The following SLC14A2 variants were observed in gnomAD, a reference collection of about 807,000 sequenced individuals.
The protein encoded by SLC14A2 is solute carrier family 14 member 2.
Under a neutral mutation model 104.6 loss-of-function variants are expected in SLC14A2, and 91 were observed. That is an observed-to-expected ratio of 0.87 (90% CI 0.73 to 1.04). The LOEUF (loss-of-function observed/expected upper bound fraction) is 1.04. Among genes scored for constraint, SLC14A2 ranks in the 50% least tolerant of loss-of-function variants. The pLI is 0.00. For missense variants in SLC14A2, 1,189 were observed against 1,156.0 expected (o/e 1.03, Z -0.41); for synonymous variants, 476 against 466.4 (o/e 1.02, Z -0.27).
At chr18:45,249,985 A>T (rs1388137945) in intron 1 of SLC14A2, among the ~76,000 whole-genome samples, 1 of 152,132 alleles carries the variant, frequency 6.6e-6, no homozygotes, top group Admixed American at 6.5e-5. Context: ...CATTCTATGA[A>T]TCAGAGTCAT....
At chr18:45,602,532 T>C (rs1206453592) in intron 2 of SLC14A2, among the ~76,000 whole-genome samples, 1 of 152,244 alleles carries the variant, frequency 6.6e-6, no homozygotes. Context: ...TAGGGGTCTT[T>C]GGTGTGATGT....
At chr18:45,566,771 G>A (rs1013630000) in intron 2 of SLC14A2, among the ~76,000 whole-genome samples, 3 of 152,196 alleles carry the variant, frequency 2.0e-5, no homozygotes, top group African/African-American at 4.8e-5. Flanking sequence ...CCACGAACAG[G>A]TAACTGCAGG....
intron 2 of SLC14A2, among the ~76,000 whole-genome samples, chr18:45,518,913 T>C (rs1340862371): frequency 1.3e-5 from 2 of 152,146 alleles, no homozygotes; most frequent in African/African-American, 2.4e-5. Flanking sequence ...TCCACTGTGA[T>C]TCTGGTTAAG....
the SLC14A2 span, among the ~76,000 whole-genome samples, chr18:45,197,816 T>C: frequency 6.6e-6 from 1 of 152,190 alleles, no homozygotes; most frequent in Non-Finnish European, 1.5e-5. Context: ...TCAGAGCTAC[T>C]CACTTAAAGA....
chr18:45,396,627 GT>G (rs770748424), intron 1 of SLC14A2, among the ~76,000 whole-genome samples: 2 of 120,684 alleles, frequency 1.7e-5, no homozygotes, highest in African/African-American at 6.6e-5. Flanking sequence ...GTTTTTTTTT[GT>G]TTTTGTTTTT....
intron 2 of SLC14A2, among the ~76,000 whole-genome samples, chr18:45,518,040 T>G (rs746197894): frequency 8.0e-5 from 12 of 150,594 alleles, no homozygotes; most frequent in Non-Finnish European, 1.6e-4. Context: ...TAATAATAAC[T>G]AATAATTAAC....
At chr18:45,234,191 C>A (rs8085664) in intron 1 of SLC14A2, among the ~76,000 whole-genome samples, 48,856 of 152,034 alleles carry the variant, frequency 0.32, 8,458 homozygotes, top group African/African-American at 0.46. Context: ...TGCAGATACA[C>A]TCCTGGGCTA....
chr18:45,182,950 A>G, the SLC14A2 span, among the ~76,000 whole-genome samples: 1 of 152,198 alleles, frequency 6.6e-6, no homozygotes, highest in South Asian at 2.1e-4. Context: ...AATAAAAATC[A>G]TGAGGGAATA....
chr18:45,395,655 T>C (rs1258328667), intron 1 of SLC14A2, among the ~76,000 whole-genome samples: 1 of 152,156 alleles, frequency 6.6e-6, no homozygotes, highest in Non-Finnish European at 1.5e-5. Flanking sequence ...GGTGGCTTTC[T>C]CAAATCACAA....
chr18:45,531,705 T>C (rs1220570020), intron 2 of SLC14A2, among the ~76,000 whole-genome samples: 1 of 152,162 alleles, frequency 6.6e-6, no homozygotes, highest in Non-Finnish European at 1.5e-5. Flanking sequence ...TTTAGTTTAA[T>C]GAGATCCCAT....
At chr18:45,642,062 A>G (rs2045537316) in intron 8 of SLC14A2, among the ~76,000 whole-genome samples, 1 of 152,194 alleles carries the variant, frequency 6.6e-6, no homozygotes, top group Admixed American at 6.5e-5. Flanking sequence ...CTTGCCCTAG[A>G]AGATAGCTAT....
intron 2 of SLC14A2, among the ~76,000 whole-genome samples, chr18:45,495,140 G>C (rs556434981): frequency 2.0e-5 from 3 of 151,898 alleles, no homozygotes; most frequent in Non-Finnish European, 2.9e-5. Flanking sequence ...CCTACCTCTC[G>C]GTCAATACTT....
chr18:45,296,969 A>G (rs16978335), intron 1 of SLC14A2, among the ~76,000 whole-genome samples: 28,146 of 152,108 alleles, frequency 0.19, 3,092 homozygotes, highest in African/African-American at 0.3. Flanking sequence ...TACTGAATCA[A>G]GAAGCCAGAT....
In SLC14A2 at chr18:45,396,775, A is replaced by G. The variant is rs113097682; in HGVS notation, c.-124-86458A>G. ...TAGATTATTCCATCACCCAGGTATT[A>G]AGCCCAGTACCCAATAGTTCCCTTT... On this transcript the variant is annotated intron_variant, in intron 1 of 20. Transcript: ENST00000586448. Among the ~76,000 whole-genome samples, 475 of 151,698 alleles carry G rather than the reference A, an allele frequency of 3.1e-3. 3 individuals carry two copies. The highest frequency in any genetic ancestry group is 0.011 in the African/African-American group (454 of 41,322).
chr18:45,384,734 T>C (rs2085876027), intron 1 of SLC14A2, among the ~76,000 whole-genome samples: 1 of 152,036 alleles, frequency 6.6e-6, no homozygotes, highest in Admixed American at 6.5e-5. Context: ...GCATCTCATG[T>C]TGCAAGTGGA....
chr18:45,258,512 T>A (rs11659318), intron 1 of SLC14A2, among the ~76,000 whole-genome samples: 13,554 of 142,968 alleles, frequency 0.095, 2,435 homozygotes, highest in African/African-American at 0.13. Flanking sequence ...TTTCTTAGGG[T>A]TCCAGCTGTG....
intron 1 of SLC14A2, among the ~76,000 whole-genome samples, chr18:45,311,206 G>T (rs1263520471): frequency 2.0e-5 from 3 of 152,224 alleles, no homozygotes; most frequent in Non-Finnish European, 4.4e-5. Flanking sequence ...CACTAAAGCT[G>T]AAGGGAAAAG....
intron 1 of SLC14A2, among the ~76,000 whole-genome samples, chr18:45,419,281 C>T (rs994281667): frequency 1.3e-5 from 2 of 152,176 alleles, no homozygotes; most frequent in African/African-American, 4.8e-5. Context: ...CTGGGATGAT[C>T]CCCAAAGTTT....
At chr18:45,339,980 G>A (rs565703065) in intron 1 of SLC14A2, among the ~76,000 whole-genome samples, 1 of 152,314 alleles carries the variant, frequency 6.6e-6, no homozygotes, top group East Asian at 1.9e-4. Context: ...TGATGAAACT[G>A]CATTTGAAGA....
Sources: allele counts gnomAD v4.1 joint callset (sites outside exome capture counted in the v4.1 genomes callset), GRCh38; gene constraint gnomAD v4.1.1; transcripts MANE v1.5; gene names NCBI Gene and HGNC (gene_info 2026-07-23, HGNC 2026-07-21).